Variants in MYL2 observed in about 807,000 individuals in gnomAD.
MYL2 encodes the protein myosin light chain 2.
A neutral mutation model predicts 23.0 loss-of-function variants in MYL2; 19 were observed. That is an observed-to-expected ratio of 0.83 (90% confidence interval 0.58 to 1.21). The LOEUF is 1.21. Among genes scored for constraint, MYL2 ranks in the 50% most tolerant of loss-of-function variants. The probability of loss-of-function intolerance (pLI) is 0.00; values close to 1 mark genes in which losing one functional copy is unlikely to be tolerated. For missense variants in MYL2, 180 were observed against 215.1 expected, an observed-to-expected ratio of 0.84 and a Z score of 1.02; for synonymous variants, 78 against 76.2, an observed-to-expected ratio of 1.02 and a Z score of -0.13.
At chr12:110,913,030 G>T (rs968983302) in intron 6 of MYL2, 66 bp downstream of exon 6, 3 of 1,571,724 alleles carry the variant, frequency 1.9e-6, no homozygotes, top group Non-Finnish European at 2.6e-6. Context: ...CGAGAGGGGA[G>T]ACGGAGCCCC....
upstream of MYL2, among the ~76,000 whole-genome samples, chr12:110,920,876 A>G (rs972818042): frequency 1.3e-5 from 2 of 152,234 alleles, no homozygotes; most frequent in African/African-American, 4.8e-5. Flanking sequence ...AAAAAATGGC[A>G]GGGAGAGGAG....
chr12:110,913,066 T>A, intron 6 of MYL2, 30 bp downstream of exon 6: 1 of 1,613,584 alleles, frequency 6.2e-7, no homozygotes, highest in South Asian at 1.1e-5. Context: ...AGGAGCTGGG[T>A]TAGAGGGAGT....
intron 4 of MYL2, 31 bp downstream of exon 4, chr12:110,914,155 C>T: frequency 6.7e-7 from 1 of 1,494,976 alleles, no homozygotes. Flanking sequence ...GACACATACA[C>T]ACAGACACAC....
In MYL2 at chr12:110,914,254, A is replaced by G. The variant is rs2071674449; in HGVS notation, c.206T>C (p.Met69Thr). 1.9e-6 allele frequency: 3 copies of G among 1,613,786 alleles called. No homozygotes were observed. Among genetic ancestry groups the G allele is most frequent in the Admixed American group, 1.7e-5 (1 of 59,954 alleles). ...VNVKNEEIDE[M>T]IKEAPGPINF... ...AATTGGACCCGGAGCCTCCTTGATC[A>G]TTTCATCAATTTCTTCATTTTTCAC... The change falls in exon 4 of 7, where the codon ATG becomes ACG. Residue 69 changes from methionine (M) to threonine (T), a missense_variant. Coordinates refer to ENST00000228841, the MANE Select transcript of MYL2 (RefSeq NM_000432.4).
chr12:110,916,220 T>C (rs2071686996), intron 2 of MYL2, among the ~76,000 whole-genome samples: 2 of 152,056 alleles, frequency 1.3e-5, no homozygotes, highest in African/African-American at 4.8e-5. Context: ...CCTGTAATCC[T>C]AGCTACTTGG....
intron 6 of MYL2, among the ~76,000 whole-genome samples, chr12:110,912,893 T>A (rs2071662833): frequency 6.6e-6 from 1 of 152,230 alleles, no homozygotes; most frequent in African/African-American, 2.4e-5. Flanking sequence ...TGGGTCTCAG[T>A]TTGCCTATCT....
chr12:110,919,263 C>A, intron 1 of MYL2, 70 bp from the exon 2 acceptor site: 1 of 1,327,234 alleles, frequency 7.5e-7, no homozygotes, highest in South Asian at 1.2e-5. Flanking sequence ...GGCCCCTACT[C>A]TGGGTGTGTT....
intron 6 of MYL2, among the ~76,000 whole-genome samples, chr12:110,911,405 G>C (rs573409726): frequency 9.3e-4 from 141 of 152,290 alleles, no homozygotes; most frequent in African/African-American, 3.3e-3. Context: ...GGATTGGTGT[G>C]GGGGTATAAA....
chr12:110,919,001 G>A (rs2071702926), intron 2 of MYL2, 103 bp downstream of exon 2: 1 of 997,382 alleles, frequency 1.0e-6, no homozygotes, highest in African/African-American at 1.6e-5. Flanking sequence ...GGAGGATAGA[G>A]GCATCTAATG....
At chr12:110,917,296 A>T (rs11065773) in intron 2 of MYL2, among the ~76,000 whole-genome samples, 18,207 of 151,920 alleles carry the variant, frequency 0.12, 1,344 homozygotes, top group East Asian at 0.21. Flanking sequence ...TTAGCTTTTT[A>T]AAAAATAATA....
Position 110,913,201 on chromosome 12 carries a change from G to A in MYL2, c.353+45C>T, listed in dbSNP as rs925696219. On this transcript the variant is annotated intron_variant, in intron 5 of 6. Coordinates refer to ENST00000228841, the MANE Select transcript of MYL2 (RefSeq NM_000432.4). Reference sequence around the variant, plus strand: ...AGTTGTGTGTGTGTAGGGGGGACAGGGGGCAAGCAGGGAACCCCCTTCCTC... The same window carrying A: ...AGTTGTGTGTGTGTAGGGGGGACAGAGGGCAAGCAGGGAACCCCCTTCCTC... 1.9e-6 allele frequency: 3 copies of A among 1,607,478 alleles called. No homozygotes were observed. In the African/African-American group the frequency reaches 4.1e-5, roughly 22 times the overall value.
chr12:110,920,095 A>G (rs1017095859), intron 1 of MYL2, among the ~76,000 whole-genome samples: 4 of 152,302 alleles, frequency 2.6e-5, no homozygotes, highest in South Asian at 2.1e-4. Context: ...CCACTTCAGG[A>G]GGGGGACACC....
rs730880938 is a variant in MYL2 at position 110,920,531 on chromosome 12, G to A, written c.-2C>T. ...TCCTGGAGCCCTTGTACTCACCATG[G>A]TGGAAAGGACCCAGCACTGCCTCCC... On this transcript the variant is annotated 5_prime_UTR_variant, in exon 1 of 7. Transcript: ENST00000228841. 2.5e-6 allele frequency: 4 copies of A among 1,613,986 alleles called. No individual in the cohort carries two copies. Among genetic ancestry groups the A allele is most frequent in the Non-Finnish European group, 3.4e-6 (4 of 1,180,044 alleles).
At chr12:110,916,709 C>CG (rs1245480608) in intron 2 of MYL2, among the ~76,000 whole-genome samples, 11 of 151,928 alleles carry the variant, frequency 7.2e-5, no homozygotes, top group African/African-American at 1.5e-4. Context: ...GGGTTTCTTT[C>CG]GGGGGTGATG....
chr12:110,913,234 G>A lies in MYL2; in HGVS notation c.353+12C>T, dbSNP rs186323458. 1 of 1,614,194 alleles carries A rather than the reference G, an allele frequency of 6.2e-7. No homozygotes were observed. The highest frequency in any genetic ancestry group is 8.5e-7 in the Non-Finnish European group (1 of 1,180,026). ...CAGGGAACCCCCTTCCTCCCCCACA[G>A]ACCCCACTCACTAATCAGCCTTCAG... On this transcript the variant is annotated intron_variant, in intron 5 of 6. Coordinates refer to ENST00000228841, the MANE Select transcript of MYL2 (RefSeq NM_000432.4).
rs200619503 is a variant in MYL2 at position 110,919,080 on chromosome 12, G to A, written c.93+24C>T. 2.6e-5 allele frequency: 42 copies of A among 1,607,518 alleles called. No individual in the cohort carries two copies. The Middle Eastern group carries it at 5.1e-4, about 19-fold the overall frequency. Reference sequence around the variant, plus strand: ...TCGTGGGTGGGATTTCCATCCAGGCGGATGATTCAATAGCTGCACCCACCT... The same window carrying A: ...TCGTGGGTGGGATTTCCATCCAGGCAGATGATTCAATAGCTGCACCCACCT... On this transcript the variant is annotated intron_variant, in intron 2 of 6. Coordinates refer to ENST00000228841, the MANE Select transcript of MYL2 (RefSeq NM_000432.4).
intron 2 of MYL2, 58 bp downstream of exon 2, chr12:110,919,042 AGAAG>A: frequency 6.7e-7 from 1 of 1,493,906 alleles, no homozygotes; most frequent in Non-Finnish European, 9.3e-7. Flanking sequence ...TGGAACAAAA[AGAAG>A]GTTCTCCCTC....
At chr12:110,911,273 GGGGT>G in intron 6 of MYL2, 98 bp from the exon 7 acceptor site, 1 of 530,782 alleles carries the variant, frequency 1.9e-6, no homozygotes, top group Non-Finnish European at 3.4e-6. Flanking sequence ...GGATAGCTGG[GGGGT>G]GGGGGATGGG....
At chr12:110,921,040 G>GA (rs1212963368), upstream of MYL2, among the ~76,000 whole-genome samples, 1 of 152,200 alleles carries the variant, frequency 6.6e-6, no homozygotes, top group Admixed American at 6.5e-5. Context: ...TCTCCTGAGT[G>GA]AAGCCTCCCC....
Sources: gnomAD v4.1 joint callset for allele counts (sites outside exome capture counted in the v4.1 genomes callset) on GRCh38, gnomAD v4.1.1 for gene constraint, MANE v1.5 for transcripts, NCBI Gene and HGNC (gene_info 2026-07-23, HGNC 2026-07-21) for gene names.